Variants in BORA observed in about 807,000 individuals in gnomAD.
The protein encoded by BORA is protein aurora borealis.
A neutral mutation model predicts 55.8 loss-of-function variants in BORA; 26 were observed. The observed-to-expected ratio is 0.47, with a 90% CI of 0.34 to 0.65. BORA has a LOEUF of 0.65. Ranked by LOEUF, BORA falls within the 30% of genes least tolerant of loss-of-function variation. The probability of loss-of-function intolerance (pLI) is 0.01; values close to 1 mark genes in which losing one functional copy is unlikely to be tolerated. For synonymous variants in BORA, 201 were observed against 216.9 expected (o/e 0.93, Z 0.64); for missense variants, 568 against 671.5 (o/e 0.85, Z 1.70).
At chr13:72,738,685 T>C (rs1166602490) in intron 5 of BORA, among the ~76,000 whole-genome samples, 1 of 152,154 alleles carries the variant, frequency 6.6e-6, no homozygotes, top group East Asian at 1.9e-4. Context: ...ATACCTTAAT[T>C]ATGCTCTCAG....
At chr13:72,735,030 T>G (rs747116998) in intron 4 of BORA, 25 bp downstream of exon 4, 1 of 1,544,006 alleles carries the variant, frequency 6.5e-7, no homozygotes, top group Non-Finnish European at 8.9e-7. Flanking sequence ...TACTGATCAT[T>G]AAATCAGTTA....
chr13:72,745,001 G>A lies in BORA; in HGVS notation c.532G>A (p.Glu178Lys), dbSNP rs182782800. Reference sequence around the variant, plus strand: ...TATAGGTGACTATTTTAGAGCTGATGAATTTGCAGATCAATCTCCTGGAAA... The same window carrying A: ...TATAGGTGACTATTTTAGAGCTGATAAATTTGCAGATCAATCTCCTGGAAA... ...NILGDYFRAD[E>K]FADQSPGNLS... Residue 178 changes from glutamate (E) to lysine (K), a missense_variant, in exon 8 of 12, where the codon GAA becomes AAA. Transcript: ENST00000390667. 4,679 of 1,613,890 alleles carry A rather than the reference G, an allele frequency of 2.9e-3. 9 individuals carry two copies. The highest frequency in any genetic ancestry group is 3.7e-3 in the Non-Finnish European group (4,314 of 1,179,890).
At chr13:72,735,069 T>A (rs2032891558) in intron 4 of BORA, 64 bp downstream of exon 4, 1 of 1,286,628 alleles carries the variant, frequency 7.8e-7, no homozygotes, top group African/African-American at 1.5e-5. Flanking sequence ...ACATCACTTC[T>A]TTTAGGAAGA....
At chr13:72,738,113 G>A in intron 5 of BORA, 70 bp downstream of exon 5, 1 of 1,084,016 alleles carries the variant, frequency 9.2e-7, no homozygotes, top group Non-Finnish European at 1.4e-6. Context: ...ATATCATGAA[G>A]TGCCAGTATA....
At chr13:72,730,694 T>A (rs571436177) in intron 2 of BORA, among the ~76,000 whole-genome samples, 1 of 152,262 alleles carries the variant, frequency 6.6e-6, no homozygotes, top group Non-Finnish European at 1.5e-5. Flanking sequence ...AAGTTTTATA[T>A]CTTTATTACT....
At chr13:72,753,966 C>G (rs767244742) in intron 11 of BORA, 145 bp downstream of exon 11, 7 of 837,410 alleles carry the variant, frequency 8.4e-6, no homozygotes, top group Non-Finnish European at 1.1e-5. Flanking sequence ...ATCCAATAAC[C>G]TTTAAATATT....
chr13:72,729,605 T>C (rs1210923787), intron 2 of BORA, among the ~76,000 whole-genome samples: 1 of 152,228 alleles, frequency 6.6e-6, no homozygotes. Context: ...TTGGTCTCTG[T>C]CACAACTACT....
Position 72,755,741 on chromosome 13 carries a change from G to A in BORA, c.*525G>A. 2.5e-6 allele frequency: 1 copy of A among 397,224 alleles called. No homozygotes were observed. The highest frequency in any genetic ancestry group is 4.4e-6 in the Non-Finnish European group (1 of 225,738). 24.6% of individuals were successfully genotyped at this position (397,224 alleles called of 1,614,324 possible). A position where few individuals can be genotyped will look rare whatever the true frequency, so the allele number is the denominator to read the frequency against. ...TAGTTCTTGGTCTGTTCACCTCTGT[G>A]GGGAAAATTCTTAGTTCCAGTGATA... On this transcript the variant is annotated 3_prime_UTR_variant, in exon 12 of 12. Transcript: ENST00000390667.
rs1178574161 is a variant in BORA at position 72,746,819 on chromosome 13, C to T, written c.1190C>T (p.Thr397Ile). 8 of 1,614,148 alleles carry T rather than the reference C, an allele frequency of 5.0e-6. No homozygotes were observed. The highest frequency in any genetic ancestry group is 6.8e-6 in the Non-Finnish European group (8 of 1,179,996). ...QFSNEASTHGTHLVVTAMSVT... is the reference protein window; with the variant it reads ...QFSNEASTHGIHLVVTAMSVT... ...AGTAATGAGGCTTCTACCCATGGTA[C>T]ACATTTGGTTGTGACTGCCATGTCT... is the stretch of plus-strand genomic sequence containing the variant. Residue 397 changes from threonine to isoleucine, a missense_variant, in exon 10 of 12, where the codon ACA becomes ATA. Thr to Ile is a moderately conservative substitution (Grantham distance 89). Coordinates refer to ENST00000390667, the MANE Select transcript of BORA (RefSeq NM_024808.5).
intron 3 of BORA, among the ~76,000 whole-genome samples, chr13:72,733,727 G>T (rs541807669): frequency 6.6e-6 from 1 of 152,166 alleles, no homozygotes; most frequent in African/African-American, 2.4e-5. Context: ...TGGGATATGT[G>T]GGTTGACACT....
chr13:72,743,909 T>C (rs2033087592), intron 6 of BORA, among the ~76,000 whole-genome samples: 1 of 151,980 alleles, frequency 6.6e-6, no homozygotes, highest in African/African-American at 2.4e-5. Flanking sequence ...CTAATTTTTG[T>C]ATTTTTTTGT....
At chr13:72,749,432 T>A (rs1459309627) in intron 10 of BORA, among the ~76,000 whole-genome samples, 2 of 152,178 alleles carry the variant, frequency 1.3e-5, no homozygotes, top group African/African-American at 4.8e-5. Context: ...TTTTCTTGAA[T>A]AATATCTTAG....
rs2033160081 is a variant in BORA, at chr13:72,746,839, A to G, written c.1210A>G (p.Met404Val). The G allele has an allele frequency of 6.2e-7, 1 of 1,614,188 alleles. No individual in the cohort carries two copies. The highest frequency in any genetic ancestry group is 2.2e-5 in the East Asian group (1 of 44,882). Residue 404 changes from methionine to valine, a missense_variant, in exon 10 of 12, where the codon ATG becomes GTG. Transcript: ENST00000390667. Reference sequence around the variant, plus strand: ...TGGTACACATTTGGTTGTGACTGCCATGTCTGTTACACAAAATCAGTCCAG... The same window carrying G: ...TGGTACACATTTGGTTGTGACTGCCGTGTCTGTTACACAAAATCAGTCCAG... ...THGTHLVVTAMSVTQNQSSAS... is the reference protein window; with the variant it reads ...THGTHLVVTAVSVTQNQSSAS...
intron 3 of BORA, among the ~76,000 whole-genome samples, chr13:72,732,115 G>C (rs1706025061): frequency 6.6e-6 from 1 of 152,166 alleles, no homozygotes; most frequent in South Asian, 2.1e-4. Context: ...GGTATGACCA[G>C]ATTTTAATTT....
At chr13:72,741,120 A>G (rs1327737420) in intron 5 of BORA, among the ~76,000 whole-genome samples, 1 of 152,178 alleles carries the variant, frequency 6.6e-6, no homozygotes. Flanking sequence ...GTTTTTATTT[A>G]TGGACTTGAG....
Position 72,728,015 on chromosome 13 carries a change from C to A in BORA, c.-16+8C>A. The A allele has an allele frequency of 3.5e-6, 5 of 1,427,662 alleles. No individual in the cohort carries two copies. The highest frequency in any genetic ancestry group is 4.6e-6 in the Non-Finnish European group (5 of 1,080,630). 88.4% of individuals were successfully genotyped at this position (1,427,662 alleles called of 1,614,324 possible). ...TTCGTTTTGTACGCACCGGTAGGTA[C>A]GCTCTTTGTGGTCCCTGGCCTTTCC... On this transcript the variant is annotated splice_region_variant and intron_variant, in intron 1 of 11. Transcript: ENST00000390667.
chr13:72,731,818 G>C (rs1454360483), intron 3 of BORA, among the ~76,000 whole-genome samples: 1 of 152,254 alleles, frequency 6.6e-6, no homozygotes, highest in Middle Eastern at 3.4e-3. Flanking sequence ...AAAGAGTTAC[G>C]TATGCACTGA....
rs767166598 is a variant in BORA at position 72,746,908 on chromosome 13, G to A, written c.1279G>A (p.Glu427Lys). ...AGCACTGTTGCAGGATGTTGAAAGG[G>A]AGAAAGACAATAACACTGTGGATAT... The part of the protein sequence containing the change: ...ELALLQDVER[E>K]KDNNTVDMVD... Residue 427 changes from glutamate (E) to lysine (K), a missense_variant, in exon 10 of 12, where the codon GAG becomes AAG. Physicochemically the swap from Glu to Lys is moderately conservative, Grantham distance 56. Coordinates refer to ENST00000390667, the MANE Select transcript of BORA (RefSeq NM_024808.5). The A allele has an allele frequency of 1.2e-4, 195 of 1,614,010 alleles. No homozygotes were observed. The Admixed American group carries it at 3.2e-3, about 26-fold the overall frequency.
chr13:72,744,593 A>G, intron 7 of BORA, 32 bp downstream of exon 7: 2 of 1,513,470 alleles, frequency 1.3e-6, no homozygotes. Flanking sequence ...ACTTTTAATA[A>G]CTTGAACCAA....
Sources: gnomAD v4.1 joint callset for allele counts (sites outside exome capture counted in the v4.1 genomes callset) on GRCh38, gnomAD v4.1.1 for gene constraint, MANE v1.5 for transcripts, NCBI Gene and HGNC (gene_info 2026-07-23, HGNC 2026-07-21) for gene names.